Variants in TRIM26 observed in about 807,000 individuals in gnomAD.
TRIM26 encodes the protein tripartite motif containing 26.
In TRIM26, 16 loss-of-function variants were observed where a neutral mutation model predicts 45.5. The observed-to-expected ratio is 0.35, with a 90% CI of 0.24 to 0.53. TRIM26 has a LOEUF of 0.53. Ranked by LOEUF, TRIM26 falls within the 20% of genes least tolerant of loss-of-function variation. The pLI is 0.92. For missense variants in TRIM26, 442 were observed against 691.1 expected, an observed-to-expected ratio of 0.64 and a Z score of 4.04; for synonymous variants, 273 against 290.4, an observed-to-expected ratio of 0.94 and a Z score of 0.61.
In TRIM26 at chr6:30,186,376, C is replaced by T. The variant is rs755979432; in HGVS notation, c.1120G>A (p.Val374Met). Residue 374 changes from valine (V) to methionine (M), a missense_variant, in exon 10 of 10, where the codon GTG (valine) becomes ATG (methionine). Transcript: ENST00000454678. This position sits in a 1 kb window ranked among gnomAD's most constrained non-coding sequence, Gnocchi z 7.4. ...TCCTCAGACCAGCCCTCCCTCTCCACTTCCACTTCCCAGTAGACCTTGCCC... is the reference window on the plus strand; with the variant it reads ...TCCTCAGACCAGCCCTCCCTCTCCATTTCCACTTCCCAGTAGACCTTGCCC... ...TWGKVYWEVE[V>M]EREGWSEDEE... 1 of 1,612,476 alleles carries T rather than the reference C, an allele frequency of 6.2e-7. No individual in the cohort carries two copies. The highest frequency in any genetic ancestry group is 8.5e-7 in the Non-Finnish European group (1 of 1,179,652).
intron 1 of TRIM26, among the ~76,000 whole-genome samples, chr6:30,206,497 T>G (rs1019708388): frequency 6.6e-6 from 1 of 152,276 alleles, no homozygotes; most frequent in Non-Finnish European, 1.5e-5. Context: ...TAAATTGCCC[T>G]GGTCTTGTGG....
At chr6:30,211,681 T>C (rs565998213) in intron 1 of TRIM26, among the ~76,000 whole-genome samples, 1 of 152,272 alleles carries the variant, frequency 6.6e-6, no homozygotes, top group African/African-American at 2.4e-5. Flanking sequence ...AGCAAAAAGC[T>C]CTATAAAAAT....
At chr6:30,200,262 A>T (rs1184852136) in intron 3 of TRIM26, among the ~76,000 whole-genome samples, 3 of 152,182 alleles carry the variant, frequency 2.0e-5, no homozygotes, top group Non-Finnish European at 4.4e-5. Context: ...AGACTGGGCA[A>T]CAGAATAAGA....
In TRIM26 at chr6:30,198,633, G is replaced by A. The variant is rs1022602781; in HGVS notation, c.438+33C>T. The A allele has an allele frequency of 1.7e-5, 28 of 1,605,124 alleles. No homozygotes were observed. The African/African-American group carries it at 3.6e-4, about 21-fold the overall frequency. On this transcript the variant is annotated intron_variant, in intron 4 of 9. Transcript: ENST00000454678. The surrounding 1 kb of genome is among the most constrained non-coding windows in gnomAD (Gnocchi z 6.3). ...GCAAGGTGGAGCATCCAGAGAAGGT[G>A]GCAAGGCACCCTCGGGGGTGAAGAG...
intron 6 of TRIM26, among the ~76,000 whole-genome samples, chr6:30,192,422 T>C (rs767275743): frequency 1.3e-5 from 2 of 152,170 alleles, no homozygotes; most frequent in Non-Finnish European, 2.9e-5. Context: ...CCCAATCCCT[T>C]TAATGTCTTC....
chr6:30,187,910 T>C (rs1327039362), intron 9 of TRIM26, among the ~76,000 whole-genome samples: 16 of 65,748 alleles, frequency 2.4e-4, no homozygotes, highest in East Asian at 5.4e-4. Flanking sequence ...AAAGCAAGAC[T>C]CCATCTCAAA....
rs1218853838 is a variant in TRIM26 at position 30,209,682 on chromosome 6, T to C, written c.-376+3623A>G. Among the ~76,000 whole-genome samples the C allele has an allele frequency of 6.6e-6, 1 of 152,052 alleles. No individual in the cohort carries two copies. The highest frequency in any genetic ancestry group is 1.9e-4 in the East Asian group (1 of 5,178). ...CATCCTTCTAGCACACAGGATCTCA[T>C]CCTTGTTATTCTCCTGCTTCAAATC... On this transcript the variant is annotated intron_variant, in intron 1 of 9. Coordinates refer to ENST00000454678, the MANE Select transcript of TRIM26 (RefSeq NM_003449.5). This position sits in a 1 kb window ranked among gnomAD's most constrained non-coding sequence, Gnocchi z 4.8.
chr6:30,197,350 G>C (rs1776596396), intron 5 of TRIM26, among the ~76,000 whole-genome samples: 1 of 152,132 alleles, frequency 6.6e-6, no homozygotes, highest in Admixed American at 6.5e-5. Flanking sequence ...GCTGAGCTGG[G>C]GGCAGCCATG....
At chr6:30,188,217 CA>C (rs9280914) in intron 9 of TRIM26, 1,531 of 105,358 alleles carry the variant, frequency 0.015, 13 homozygotes, top group Middle Eastern at 0.048. Context: ...GACTCCGTCT[CA>C]AAAAAAAAAA....
chr6:30,213,000 C>T (rs1396395258), intron 1 of TRIM26, among the ~76,000 whole-genome samples: 2 of 152,022 alleles, frequency 1.3e-5, no homozygotes, highest in Admixed American at 6.6e-5. Context: ...TACCAGGCTC[C>T]AAGCAACCGG....
intron 6 of TRIM26, among the ~76,000 whole-genome samples, chr6:30,194,403 T>C (rs528643619): frequency 1.8e-4 from 27 of 152,318 alleles, no homozygotes; most frequent in African/African-American, 5.8e-4. Flanking sequence ...TTGTGCAGCA[T>C]TGCAGGGAGA....
Position 30,190,303 on chromosome 6 carries a change from A to C in TRIM26, c.766-268T>G. ...CCTGCGCAGAGAATTGACGGATAAG[A>C]AGTACTGGCCGGATGAAGAGAGGTA... On this transcript the variant is annotated intron_variant, in intron 6 of 9. Transcript: ENST00000454678. The surrounding 1 kb of genome is among the most constrained non-coding windows in gnomAD (Gnocchi z 4.3). 2 of 569,780 alleles carry C rather than the reference A, an allele frequency of 3.5e-6. No homozygotes were observed. Among genetic ancestry groups the C allele is most frequent in the Non-Finnish European group, 3.1e-6 (1 of 319,314 alleles). 35.3% of individuals were successfully genotyped at this position (569,780 alleles called of 1,614,324 possible).
intron 6 of TRIM26, among the ~76,000 whole-genome samples, chr6:30,195,646 T>A (rs985023606): frequency 6.6e-6 from 1 of 152,164 alleles, no homozygotes; most frequent in African/African-American, 2.4e-5. Context: ...TGCCTTGCTA[T>A]CTCTCCCTCC....
intron 6 of TRIM26, among the ~76,000 whole-genome samples, chr6:30,191,564 A>T (rs1581664493): frequency 6.6e-6 from 1 of 152,088 alleles, no homozygotes; most frequent in East Asian, 1.9e-4. Flanking sequence ...GGGGGATGGG[A>T]GCAGGGGCCG....
Position 30,190,241 on chromosome 6 carries a change from G to A in TRIM26, c.766-206C>T, listed in dbSNP as rs1173475200. The A allele has an allele frequency of 3.2e-6, 2 of 621,876 alleles. No homozygotes were observed. The highest frequency in any genetic ancestry group is 5.7e-6 in the Non-Finnish European group (2 of 351,582). 38.5% of individuals were successfully genotyped at this position (621,876 alleles called of 1,614,324 possible). A position where few individuals can be genotyped will look rare whatever the true frequency, so the allele number is the denominator to read the frequency against. ...TCGGCACAATGACAGAAGCCACAAT[G>A]GCTGGGAGATGACATGGGCAACCTC... On this transcript the variant is annotated intron_variant, in intron 6 of 9. Transcript: ENST00000454678. The surrounding 1 kb of genome is among the most constrained non-coding windows in gnomAD (Gnocchi z 4.3).
In TRIM26 at chr6:30,186,068, G is replaced by C; in HGVS notation, c.1428C>G (p.Pro476=). 1.3e-6 allele frequency: 2 copies of C among 1,597,716 alleles called. No homozygotes were observed. The highest frequency in any genetic ancestry group is 1.7e-6 in the Non-Finnish European group (2 of 1,172,398). Reference sequence around the variant, plus strand: ...GCAGTGCTGGGAAAAGCTCAGCCTCGGGGCTGGTGTTGGCCCAGATGCCGG... The same window carrying C: ...GCAGTGCTGGGAAAAGCTCAGCCTCCGGGCTGGTGTTGGCCCAGATGCCGG... ...SSSGIWANTS[P]EAELFPALRP... Residue 476 remains proline (P), a synonymous_variant, in exon 10 of 10, where the codon CCC becomes CCG. Transcript: ENST00000454678. The surrounding 1 kb of genome is among the most constrained non-coding windows in gnomAD (Gnocchi z 7.4).
In TRIM26 at chr6:30,209,870, T is replaced by C. The variant is rs532970307; in HGVS notation, c.-376+3435A>G. Among the ~76,000 whole-genome samples, 8 of 150,274 alleles carry C rather than the reference T, an allele frequency of 5.3e-5. No homozygotes were observed. The highest frequency in any genetic ancestry group is 1.2e-4 in the Non-Finnish European group (8 of 67,764). ...AAATAAATAAAAATAAAAATAAAAA[T>C]AAAAACAAACACACCAAAAAAACTC... On this transcript the variant is annotated intron_variant, in intron 1 of 9. Coordinates refer to ENST00000454678, the MANE Select transcript of TRIM26 (RefSeq NM_003449.5). The surrounding 1 kb of genome is among the most constrained non-coding windows in gnomAD (Gnocchi z 4.8).
At chr6:30,202,239 T>C (rs1777259108) in intron 2 of TRIM26, among the ~76,000 whole-genome samples, 1 of 152,122 alleles carries the variant, frequency 6.6e-6, no homozygotes, top group Admixed American at 6.5e-5. Context: ...TCTCTAAACC[T>C]CCTGAAACTG....
rs1245014563 is a variant in TRIM26 at position 30,198,255 on chromosome 6, G to A, written c.534+174C>T. 2.6e-5 allele frequency among the ~76,000 whole-genome samples: 4 copies of A among 152,178 alleles called. No individual in the cohort carries two copies. In the East Asian group the frequency reaches 5.8e-4, roughly 22 times the overall value. On this transcript the variant is annotated intron_variant, in intron 5 of 9. Transcript: ENST00000454678. This position sits in a 1 kb window ranked among gnomAD's most constrained non-coding sequence, Gnocchi z 6.3. ...ACAAGAAACAGGCCCAAGACTACAC[G>A]GCTCAGAAAGACAGCACTTGGGCTA...
Sources: allele counts gnomAD v4.1 joint callset (sites outside exome capture counted in the v4.1 genomes callset), GRCh38; gene constraint gnomAD v4.1.1; non-coding constraint Gnocchi (gnomAD v3.1); transcripts MANE v1.5; gene names NCBI Gene and HGNC (gene_info 2026-07-23, HGNC 2026-07-21).